The following ZNF41 variants were observed in gnomAD, a reference collection of about 807,000 sequenced individuals.
ZNF41 encodes zinc finger protein 41.
In ZNF41, 6 loss-of-function variants were observed where a neutral mutation model predicts 9.3. That is an observed-to-expected ratio of 0.65 (90% CI 0.35 to 1.28). The LOEUF is 1.28. Ranked by LOEUF, ZNF41 falls within the 50% of genes most tolerant of loss-of-function variation. ZNF41 has a pLI of 0.03. For missense variants in ZNF41, 523 were observed against 585.8 expected (o/e 0.89, Z 1.11); for synonymous variants, 192 against 207.1 (o/e 0.93, Z 0.63).
intron 1 of ZNF41, among the ~76,000 whole-genome samples, chrX:47,469,307 T>C (rs1205010331): frequency 3.3e-5 from 1 of 30,130 alleles, no homozygotes; most frequent in African/African-American, 1.4e-4. Context: ...CGAGACTCCG[T>C]CTCAAAAAAA....
intron 4 of ZNF41, among the ~76,000 whole-genome samples, chrX:47,453,350 G>C (rs895958898): frequency 4.5e-5 from 5 of 112,189 alleles, no homozygotes; most frequent in Admixed American, 3.8e-4. Flanking sequence ...TGAGAAAAAG[G>C]AAAGAGCCAT....
chrX:47,467,696 A>G lies in ZNF41; in HGVS notation c.-215T>C, dbSNP rs2057037727. 2.2e-6 allele frequency: 1 copy of G among 445,186 alleles called. No individual in the cohort carries two copies. Among genetic ancestry groups the G allele is most frequent in the South Asian group, 3.3e-5 (1 of 30,138 alleles). 36.7% of individuals were successfully genotyped at this position (445,186 alleles called of 1,213,427 possible). On this transcript the variant is annotated 5_prime_UTR_variant, in exon 2 of 5. The change abolishes an upstream ATG in the 5' untranslated region. Coordinates refer to ENST00000684689, the MANE Select transcript of ZNF41 (RefSeq NM_001324144.2). ...CTGGAAAGACAGTGTCCACATGGTC[A>G]TCACTCCACGTTCACTCACAAATGT...
At position 47,455,906 on chromosome X, in the gene ZNF41, G is replaced by A. The variant is rs186650707; in HGVS notation, c.295+15C>T. ...GACTTCCATGTCCCCATCTGTCTGG[G>A]TCATGCTCACTCACCTGAACAGCTC... On this transcript the variant is annotated intron_variant, in intron 4 of 4. Transcript: ENST00000684689. The A allele has an allele frequency of 8.7e-4, 1,049 of 1,199,621 alleles. 13 individuals are homozygous for A. The East Asian group carries it at 0.019, about 22-fold the overall frequency.
intron 2 of ZNF41, among the ~76,000 whole-genome samples, chrX:47,466,829 G>A (rs967440090): frequency 1.1e-4 from 12 of 111,510 alleles, no homozygotes; most frequent in African/African-American, 2.9e-4. Context: ...CATTTTATTC[G>A]TCTTTGAAAG....
intron 2 of ZNF41, among the ~76,000 whole-genome samples, chrX:47,458,789 T>G (rs2056668524): frequency 9.3e-6 from 1 of 107,369 alleles, no homozygotes; most frequent in Admixed American, 1.0e-4. Context: ...TTTGTTTTTT[T>G]TTTTTGTATT....
chrX:47,457,549 A>C (rs1222241907), intron 2 of ZNF41, among the ~76,000 whole-genome samples: 1 of 111,770 alleles, frequency 8.9e-6, no homozygotes, highest in African/African-American at 3.2e-5. Flanking sequence ...CAAGTAAAAG[A>C]AGGTGTTGGC....
chrX:47,452,976 A>C (rs2056421878), intron 4 of ZNF41, among the ~76,000 whole-genome samples: 1 of 112,595 alleles, frequency 8.9e-6, no homozygotes, highest in Non-Finnish European at 1.9e-5. Context: ...TACTACAAGA[A>C]ATAGGCTCTT....
At chrX:47,479,588 A>T (rs2147854068) in intron 1 of ZNF41, among the ~76,000 whole-genome samples, 1 of 111,186 alleles carries the variant, frequency 9.0e-6, no homozygotes, top group African/African-American at 3.3e-5. Flanking sequence ...ATAATTTGGT[A>T]ATTGGATTGA....
intron 1 of ZNF41, among the ~76,000 whole-genome samples, chrX:47,478,657 C>T (rs1326006673): frequency 9.0e-6 from 1 of 111,434 alleles, no homozygotes; most frequent in Non-Finnish European, 1.9e-5. Flanking sequence ...TTAAAGAAAA[C>T]AATCATGGCC....
At position 47,448,688 on chromosome X, in the gene ZNF41, C is replaced by T. The variant is rs2056228053; in HGVS notation, c.1082G>A (p.Gly361Glu). The T allele has an allele frequency of 8.3e-7, 1 of 1,211,552 alleles. No homozygotes were observed. ...GQKPYKCSEC[G>E]KAFFQRSDLF... ...GTCTGATCTCTGGAAAAAGGCTTTT[C>T]CACATTCACTGCATTTGTAGGGTTT... The change falls in exon 5 of 5, where the codon GGA becomes GAA. Residue 361 changes from glycine (G) to glutamate (E), a missense_variant. By Grantham distance (98) the Gly-to-Glu change is moderately conservative. Coordinates refer to ENST00000684689, the MANE Select transcript of ZNF41 (RefSeq NM_001324144.2).
At chrX:47,470,195 C>T (rs1397559014) in intron 1 of ZNF41, among the ~76,000 whole-genome samples, 2 of 108,925 alleles carry the variant, frequency 1.8e-5, no homozygotes, top group African/African-American at 6.7e-5. Context: ...AGGCGAATCA[C>T]GAGGTCAGGA....
In ZNF41 at chrX:47,448,747, G is replaced by A. The variant is rs769436937; in HGVS notation, c.1023C>T (p.Asn341=). Residue 341 remains asparagine, a synonymous_variant, in exon 5 of 5, where the codon AAC becomes AAT. Transcript: ENST00000684689. ...QCGKVFTLKS[N]LITHQKIHTG... is the part of the protein sequence containing the mutation. ...TATGAATTTTTTGATGTGTAATGAG[G>A]TTTGATTTGAGGGTAAAGACTTTCC... 7.4e-6 allele frequency: 9 copies of A among 1,211,835 alleles called. No homozygotes were observed. In the South Asian group the frequency reaches 1.6e-4, roughly 21 times the overall value.
At chrX:47,462,962 C>T (rs2056862314) in intron 2 of ZNF41, among the ~76,000 whole-genome samples, 1 of 104,234 alleles carries the variant, frequency 9.6e-6, no homozygotes, top group Non-Finnish European at 2.0e-5. Context: ...CACACACACA[C>T]ACACATATGT....
chrX:47,471,284 A>G (rs2057184171), intron 1 of ZNF41, among the ~76,000 whole-genome samples: 1 of 109,698 alleles, frequency 9.1e-6, no homozygotes, highest in Admixed American at 9.8e-5. Context: ...CCCTATCTCT[A>G]CTGAAAATAC....
Position 47,448,321 on chromosome X carries a change from A to G in ZNF41, c.1449T>C (p.His483=). The G allele has an allele frequency of 8.3e-7, 1 of 1,211,510 alleles. No individual in the cohort carries two copies. Among genetic ancestry groups the G allele is most frequent in the South Asian group, 1.8e-5 (1 of 56,995 alleles). The change falls in exon 5 of 5, where the codon CAT becomes CAC. Residue 483 remains histidine, a synonymous_variant. Transcript: ENST00000684689. ...GKSFTKKSQL[H]VHQRIHTGEK... ...CTCCGGTGTGAATTCTTTGATGCAC[A>G]TGGAGTTGTGACTTCTTAGTGAAGG...
chrX:47,453,032 T>C (rs1275135726), intron 4 of ZNF41, among the ~76,000 whole-genome samples: 2 of 112,475 alleles, frequency 1.8e-5, no homozygotes, highest in African/African-American at 6.5e-5. Flanking sequence ...GATAAATACA[T>C]ACAATTCTTA....
chrX:47,474,704 C>T (rs762735496), intron 1 of ZNF41, among the ~76,000 whole-genome samples: 1 of 105,568 alleles, frequency 9.5e-6, no homozygotes, highest in Non-Finnish European at 1.9e-5. Context: ...TGGTGAGACC[C>T]CCATCTCTAC....
chrX:47,462,657 T>C (rs2056839373), intron 2 of ZNF41, among the ~76,000 whole-genome samples: 1 of 111,058 alleles, frequency 9.0e-6, no homozygotes. Context: ...GACTGACTGC[T>C]GTTGGATTCT....
intron 1 of ZNF41, among the ~76,000 whole-genome samples, chrX:47,476,122 G>T (rs754161022): frequency 9.0e-6 from 1 of 111,299 alleles, no homozygotes; most frequent in African/African-American, 3.3e-5. Context: ...GGAGGTCGAG[G>T]CAGGCGGATC....
Sources: gnomAD v4.1 joint callset for allele counts (sites outside exome capture counted in the v4.1 genomes callset) on GRCh38, gnomAD v4.1.1 for gene constraint, MANE v1.5 for transcripts, NCBI Gene and HGNC (gene_info 2026-07-23, HGNC 2026-07-21) for gene names.